IRAK4: variants seen among roughly 807,000 people sequenced by gnomAD.
IRAK4 encodes the protein interleukin 1 receptor associated kinase 4.
Under a neutral mutation model 51.8 loss-of-function variants are expected in IRAK4, and 44 were observed. The ratio of observed to expected loss-of-function variants is 0.85; its 90% confidence interval spans 0.67 to 1.09. IRAK4 has a LOEUF of 1.09. Among genes scored for constraint, IRAK4 ranks in the 50% least tolerant of loss-of-function variants. The pLI, the probability that IRAK4 is intolerant of heterozygous loss-of-function variation, is 0.00. For missense variants in IRAK4, 487 were observed against 538.0 expected, an observed-to-expected ratio of 0.91 and a Z score of 0.94; for synonymous variants, 149 against 174.1, an observed-to-expected ratio of 0.86 and a Z score of 1.13.
rs1195395167 is a variant in IRAK4, at chr12:43,788,789, C to G, written c.*2074C>G. ...ATCTCCTGACCTCGTGATCACCCGC[C>G]TCGGCCTCCCAAAGTGCCAGTATTT... On this transcript the variant is annotated 3_prime_UTR_variant, in exon 12 of 12. Coordinates refer to ENST00000613694, the MANE Select transcript of IRAK4 (RefSeq NM_016123.4). The G allele has an allele frequency of 1.3e-5, 2 of 152,176 alleles. No individual in the cohort carries two copies. Among genetic ancestry groups the G allele is most frequent in the Admixed American group, 6.6e-5 (1 of 15,262 alleles). The allele number at this position is 152,176 out of a possible 1,614,324, so 9.4% of individuals were successfully genotyped here.
chr12:43,763,745 C>T (rs1939821561), intron 1 of IRAK4, among the ~76,000 whole-genome samples: 1 of 151,516 alleles, frequency 6.6e-6, no homozygotes, highest in Non-Finnish European at 1.5e-5. Flanking sequence ...TCTCTTTCTC[C>T]TTCCCTTCAT....
chr12:43,765,630 CA>C (rs545650660), intron 1 of IRAK4, among the ~76,000 whole-genome samples: 171 of 140,306 alleles, frequency 1.2e-3, no homozygotes, highest in Middle Eastern at 7.0e-3. Flanking sequence ...ATACATTTTG[CA>C]AAAAAAAAAA....
chr12:43,775,475 A>G (rs748479937), intron 6 of IRAK4, among the ~76,000 whole-genome samples: 3 of 152,222 alleles, frequency 2.0e-5, no homozygotes, highest in Non-Finnish European at 4.4e-5. Context: ...TATCACTCAG[A>G]GATAACCACT....
In IRAK4 at chr12:43,769,255, T is replaced by A. The variant is rs540667461; in HGVS notation, c.161+983T>A. On this transcript the variant is annotated intron_variant, in intron 2 of 11. Coordinates refer to ENST00000613694, the MANE Select transcript of IRAK4 (RefSeq NM_016123.4). ...AATGGTAGAATGAGAAAAATACCTATTTGCAACCACCAATGAGTAACTGAT... is the reference window on the plus strand; with the variant it reads ...AATGGTAGAATGAGAAAAATACCTAATTGCAACCACCAATGAGTAACTGAT... 3.9e-5 allele frequency among the ~76,000 whole-genome samples: 6 copies of A among 152,228 alleles called. No individual in the cohort carries two copies. The East Asian group carries it at 1.2e-3, about 29-fold the overall frequency.
chr12:43,769,838 A>T (rs1295757840), intron 2 of IRAK4, among the ~76,000 whole-genome samples: 1 of 152,192 alleles, frequency 6.6e-6, no homozygotes, highest in African/African-American at 2.4e-5. Flanking sequence ...CATTATACCT[A>T]TGTAGTATTT....
Position 43,777,843 on chromosome 12 carries a change from A to G in IRAK4, c.831+99A>G, listed in dbSNP as rs1205421852. 1.4e-5 allele frequency: 14 copies of G among 1,005,166 alleles called. No homozygotes were observed. In the African/African-American group the frequency reaches 1.6e-4, roughly 11 times the overall value. The allele number at this position is 1,005,166 out of a possible 1,614,324, so 62.3% of individuals were successfully genotyped here. ...GATTATTTAAACCAAATTCACTTTC[A>G]TATTTTTCCTGCTCTATGAAAATTA... On this transcript the variant is annotated intron_variant, in intron 7 of 11. Transcript: ENST00000613694.
intron 1 of IRAK4, among the ~76,000 whole-genome samples, chr12:43,764,757 T>C (rs1186699981): frequency 2.0e-5 from 3 of 152,068 alleles, no homozygotes; most frequent in African/African-American, 7.2e-5. Context: ...GACTCTGTGG[T>C]GAAGCTTTCC....
intron 2 of IRAK4, among the ~76,000 whole-genome samples, chr12:43,770,028 G>A (rs1273340933): frequency 6.6e-6 from 1 of 152,078 alleles, no homozygotes; most frequent in African/African-American, 2.4e-5. Context: ...TTATTCAATT[G>A]GTGAATCTAG....
chr12:43,767,572 A>G (rs977768360), intron 1 of IRAK4, among the ~76,000 whole-genome samples: 17 of 152,188 alleles, frequency 1.1e-4, no homozygotes, highest in Non-Finnish European at 2.9e-5. Context: ...AAGGAAGAGC[A>G]AAGTATGTGA....
chr12:43,777,873 G>A lies in IRAK4; in HGVS notation c.831+129G>A, dbSNP rs1941429924. ...TTTCCTGCTCTATGAAAATTATACA[G>A]TTGATATGTCAACAAATTATACAGT... On this transcript the variant is annotated intron_variant, in intron 7 of 11. Coordinates refer to ENST00000613694, the MANE Select transcript of IRAK4 (RefSeq NM_016123.4). 3.7e-6 allele frequency: 3 copies of A among 813,990 alleles called. No homozygotes were observed. In the Admixed American group the frequency reaches 6.2e-5, roughly 17 times the overall value. 50.4% of individuals were successfully genotyped at this position (813,990 alleles called of 1,614,324 possible).
chr12:43,767,278 A>G (rs760293680), intron 1 of IRAK4, among the ~76,000 whole-genome samples: 2 of 152,236 alleles, frequency 1.3e-5, no homozygotes, highest in Non-Finnish European at 2.9e-5. Context: ...ACTAAGGACT[A>G]TGAGAGAAGA....
At chr12:43,773,852 T>A in intron 5 of IRAK4, 113 bp from the exon 6 acceptor site, 1 of 717,052 alleles carries the variant, frequency 1.4e-6, no homozygotes, top group Non-Finnish European at 2.5e-6. Context: ...ATTGGGAGAA[T>A]AATACACTAT....
intron 1 of IRAK4, among the ~76,000 whole-genome samples, chr12:43,759,872 GAAA>G (rs1160443880): frequency 2.6e-5 from 2 of 76,534 alleles, no homozygotes; most frequent in East Asian, 4.6e-4. Context: ...CGTCTCAAAA[GAAA>G]AAAAAAAAAA....
intron 9 of IRAK4, 106 bp from the exon 10 acceptor site, chr12:43,783,556 A>T: frequency 1.4e-6 from 1 of 732,416 alleles, no homozygotes; most frequent in Non-Finnish European, 2.4e-6. Flanking sequence ...CCGGGGCTCA[A>T]GTTATCCTCC....
chr12:43,785,443 A>T (rs901286156), intron 10 of IRAK4, among the ~76,000 whole-genome samples: 12 of 152,116 alleles, frequency 7.9e-5, no homozygotes, highest in African/African-American at 2.9e-4. Context: ...AAAAGTTGGA[A>T]TTGCGCTATT....
chr12:43,772,676 A>G (rs1940891671), intron 4 of IRAK4, among the ~76,000 whole-genome samples: 1 of 152,196 alleles, frequency 6.6e-6, no homozygotes, highest in Admixed American at 6.5e-5. Context: ...GACCCACTCA[A>G]ATGTGTGACT....
intron 10 of IRAK4, among the ~76,000 whole-genome samples, chr12:43,784,377 T>G (rs1334047311): frequency 6.6e-6 from 1 of 152,142 alleles, no homozygotes; most frequent in Admixed American, 6.5e-5. Context: ...ACTACATTCC[T>G]GGACATAGCA....
At chr12:43,781,727 A>G (rs990144621) in intron 8 of IRAK4, among the ~76,000 whole-genome samples, 1 of 152,248 alleles carries the variant, frequency 6.6e-6, no homozygotes, top group Non-Finnish European at 1.5e-5. Flanking sequence ...GTGAGCTTAA[A>G]TACTACACAA....
intron 10 of IRAK4, among the ~76,000 whole-genome samples, chr12:43,784,704 AT>A (rs1309131857): frequency 6.6e-6 from 1 of 152,160 alleles, no homozygotes; most frequent in Non-Finnish European, 1.5e-5. Flanking sequence ...CAAGTTTTGC[AT>A]TTCATCATAT....
Sources: allele counts gnomAD v4.1 joint callset (sites outside exome capture counted in the v4.1 genomes callset), GRCh38; gene constraint gnomAD v4.1.1; transcripts MANE v1.5; gene names NCBI Gene and HGNC (gene_info 2026-07-23, HGNC 2026-07-21).